The following EPHX1 variants were observed in gnomAD, a reference collection of about 807,000 sequenced individuals.
The protein encoded by EPHX1 is epoxide hydratase.
Under a neutral mutation model 43.2 loss-of-function variants are expected in EPHX1, and 40 were observed. The ratio of observed to expected loss-of-function variants is 0.93; its 90% CI spans 0.72 to 1.21. The LOEUF (loss-of-function observed/expected upper bound fraction) is 1.21, where lower values mean the gene tolerates loss of function less well. Among genes scored for constraint, EPHX1 ranks in the 50% most tolerant of loss-of-function variants. EPHX1 has a pLI of 0.00. For synonymous variants in EPHX1, 221 were observed against 226.7 expected, an observed-to-expected ratio of 0.98 and a Z score of 0.22; for missense variants, 550 against 570.4, an observed-to-expected ratio of 0.96 and a Z score of 0.36.
chr1:225,813,978 G>T (rs573010291), intron 1 of EPHX1, among the ~76,000 whole-genome samples: 1 of 152,368 alleles, frequency 6.6e-6, no homozygotes, highest in East Asian at 1.9e-4. Flanking sequence ...TAGGTCGGGA[G>T]CAGGAGTTTT....
intron 1 of EPHX1, among the ~76,000 whole-genome samples, chr1:225,818,012 A>C (rs1666805300): frequency 6.6e-6 from 1 of 152,146 alleles, no homozygotes; most frequent in South Asian, 2.1e-4. Context: ...TTTTAGACCC[A>C]AAACCCTGAT....
At chr1:225,829,094 T>G (rs1235977980) in intron 2 of EPHX1, among the ~76,000 whole-genome samples, 182 bp downstream of exon 2, 1 of 152,004 alleles carries the variant, frequency 6.6e-6, no homozygotes, top group East Asian at 1.9e-4. Flanking sequence ...TGGAGAGGGA[T>G]GCCCAGCCCT....
At chr1:225,819,399 T>TA (rs56943900) in intron 1 of EPHX1, among the ~76,000 whole-genome samples, 6,013 of 142,624 alleles carry the variant, frequency 0.042, 257 homozygotes, top group African/African-American at 0.11. Context: ...AGACTCCATC[T>TA]AAAAAAAAAA....
rs1056288266 is a variant in EPHX1 at position 225,817,927 on chromosome 1, G to T, written c.-6+7758G>T. Among the ~76,000 whole-genome samples the T allele has an allele frequency of 2.6e-5, 4 of 152,208 alleles. No individual in the cohort carries two copies. Among genetic ancestry groups the T allele is most frequent in the Admixed American group, 6.5e-5 (1 of 15,286 alleles). On this transcript the variant is annotated intron_variant, in intron 1 of 8. Coordinates refer to ENST00000272167, the MANE Select transcript of EPHX1 (RefSeq NM_001136018.4). This position sits in a 1 kb window ranked among gnomAD's most constrained non-coding sequence, Gnocchi z 5.7. ...AGGTTCTGACTGCTTGCTTGGGTTG[G>T]GGGAGGGGAGTCTTTGGGCAGGCGG...
Position 225,829,360 on chromosome 1 carries a change from G to A in EPHX1, c.183+448G>A, listed in dbSNP as rs182991902. 7.1e-3 allele frequency among the ~76,000 whole-genome samples: 1,074 copies of A among 152,306 alleles called. 4 individuals carry two copies. Among genetic ancestry groups the A allele is most frequent in the Non-Finnish European group, 0.01 (705 of 68,028 alleles). The stretch of plus-strand genomic sequence containing the variant: ...ATTCCTGGTCACATTCAATCCCTAC[G>A]GTGATCCCGCGGGGTGAGGATTGTT... On this transcript the variant is annotated intron_variant, in intron 2 of 8. Transcript: ENST00000272167.
At chr1:225,839,107 ACCT>A in intron 4 of EPHX1, 107 bp from the exon 5 acceptor site, 1 of 1,558,712 alleles carries the variant, frequency 6.4e-7, no homozygotes, top group South Asian at 1.1e-5. Context: ...AGCTTTTCTG[ACCT>A]CCACCTGGGG....
chr1:225,835,922 T>G (rs180843612), intron 3 of EPHX1, among the ~76,000 whole-genome samples: 9 of 152,226 alleles, frequency 5.9e-5, no homozygotes, highest in Admixed American at 2.6e-4. Context: ...AGCATTGAAT[T>G]CATCGTGGAC....
At chr1:225,832,182 A>C (rs1203979189) in intron 3 of EPHX1, 2 of 568,328 alleles carry the variant, frequency 3.5e-6, no homozygotes, top group Non-Finnish European at 6.4e-6. Context: ...GCAATTTAAA[A>C]ACCAAAGAAA....
intron 8 of EPHX1, 57 bp from the exon 9 acceptor site, chr1:225,845,089 A>G: frequency 6.3e-7 from 1 of 1,584,898 alleles, no homozygotes; most frequent in Non-Finnish European, 8.7e-7. Flanking sequence ...CCTGCTGTGC[A>G]GGACGGAGGG....
chr1:225,831,217 T>A (rs1667571432), intron 2 of EPHX1, among the ~76,000 whole-genome samples: 1 of 152,128 alleles, frequency 6.6e-6, no homozygotes, highest in African/African-American at 2.4e-5. Flanking sequence ...TAGAGACGCC[T>A]GGGTAAATTA....
At chr1:225,838,993 C>T (rs1462340406) in intron 4 of EPHX1, 112 bp downstream of exon 4, 4 of 1,413,574 alleles carry the variant, frequency 2.8e-6, no homozygotes, top group Non-Finnish European at 3.9e-6. Context: ...CCCGAGGAAG[C>T]TGGGAAAGGA....
At chr1:225,835,575 G>A (rs1427043458) in intron 3 of EPHX1, among the ~76,000 whole-genome samples, 3 of 151,788 alleles carry the variant, frequency 2.0e-5, no homozygotes, top group Admixed American at 1.3e-4. Flanking sequence ...ATTTTTAGTA[G>A]AGACGGGGTT....
In EPHX1 at chr1:225,839,838, A is replaced by G; in HGVS notation, c.732A>G (p.Lys244=). 4 of 1,613,924 alleles carry G rather than the reference A, an allele frequency of 2.5e-6. No individual in the cohort carries two copies. The highest frequency in any genetic ancestry group is 3.4e-6 in the Non-Finnish European group (4 of 1,179,960). ...CTCTCTCTGCCTTCAGCCACGTGAA[A>G]GGCCTGCACTTGAACATGGCTTTGG... ...NMAQLVPSHV[K]GLHLNMALVL... The change falls in exon 6 of 9, where the codon AAA becomes AAG. Residue 244 remains lysine (K), a synonymous_variant. Coordinates refer to ENST00000272167, the MANE Select transcript of EPHX1 (RefSeq NM_001136018.4).
rs568833062 is a variant in EPHX1 at position 225,814,668 on chromosome 1, C to T, written c.-6+4499C>T. Among the ~76,000 whole-genome samples the T allele has an allele frequency of 3.1e-4, 47 of 152,346 alleles. No individual in the cohort carries two copies. In the South Asian group the frequency reaches 9.3e-3, roughly 30 times the overall value. On this transcript the variant is annotated intron_variant, in intron 1 of 8. Coordinates refer to ENST00000272167, the MANE Select transcript of EPHX1 (RefSeq NM_001136018.4). The stretch of plus-strand genomic sequence containing the variant: ...TCCCTGAAGGGTCAGAGAGCCATGC[C>T]GTGAGAGGCCAGGAGCAGGCAGCCA...
intron 7 of EPHX1, 71 bp downstream of exon 7, chr1:225,842,545 C>T (rs1576041102): frequency 3.6e-6 from 4 of 1,113,300 alleles, no homozygotes; most frequent in Middle Eastern, 2.0e-4. Flanking sequence ...CTCTTCATCC[C>T]CTTGTCTGGT....
chr1:225,845,142 C>A lies in EPHX1; in HGVS notation c.1167-4C>A, dbSNP rs1466856720. 6.2e-6 allele frequency: 10 copies of A among 1,613,960 alleles called. No homozygotes were observed. The Admixed American group carries it at 1.5e-4, about 24-fold the overall frequency. On this transcript the variant is annotated splice_polypyrimidine_tract_variant and splice_region_variant and intron_variant, in intron 8 of 8. Coordinates refer to ENST00000272167, the MANE Select transcript of EPHX1 (RefSeq NM_001136018.4). ...CACCCCTCCGTCGGCTCTTTCACTT[C>A]CAGGATGAAGGTCTATGTGCCCACT... is the stretch of plus-strand genomic sequence containing the variant.
intron 1 of EPHX1, among the ~76,000 whole-genome samples, chr1:225,812,812 C>T (rs887558308): frequency 1.3e-5 from 2 of 152,200 alleles, no homozygotes; most frequent in African/African-American, 2.4e-5. Context: ...CCCACCCACT[C>T]GGGGACAGAG....
At chr1:225,841,600 C>G (rs1668422706) in intron 6 of EPHX1, among the ~76,000 whole-genome samples, 1 of 126,576 alleles carries the variant, frequency 7.9e-6, no homozygotes, top group Non-Finnish European at 1.7e-5. Context: ...ACTGTCCCAG[C>G]CTTTTTTTTT....
chr1:225,827,768 C>T (rs902377450), intron 1 of EPHX1, among the ~76,000 whole-genome samples: 1 of 152,202 alleles, frequency 6.6e-6, no homozygotes, highest in Non-Finnish European at 1.5e-5. Context: ...GGAGGGTTCA[C>T]TTTAAATGGG....
Sources: gnomAD v4.1 joint callset for allele counts (sites outside exome capture counted in the v4.1 genomes callset) on GRCh38, gnomAD v4.1.1 for gene constraint, Gnocchi (gnomAD v3.1) non-coding constraint, MANE v1.5 for transcripts, NCBI Gene and HGNC (gene_info 2026-07-23, HGNC 2026-07-21) for gene names.